The following PITPNC1 variants were observed in gnomAD, a reference collection of about 807,000 sequenced individuals.
PITPNC1 encodes cytoplasmic phosphatidylinositol transfer protein 1.
Under a neutral mutation model 44.7 loss-of-function variants are expected in PITPNC1, and 18 were observed. The ratio of observed to expected loss-of-function variants is 0.40; its 90% CI spans 0.28 to 0.60. The LOEUF (loss-of-function observed/expected upper bound fraction) is 0.60. Ranked by LOEUF, PITPNC1 falls within the 20% of genes least tolerant of loss-of-function variation. The pLI, the probability that PITPNC1 is intolerant of heterozygous loss-of-function variation, is 0.39. For synonymous variants in PITPNC1, 141 were observed against 149.6 expected, an observed-to-expected ratio of 0.94 and a Z score of 0.42; for missense variants, 290 against 418.4, an observed-to-expected ratio of 0.69 and a Z score of 2.68.
At chr17:67,431,762 A>G (rs991313260) in intron 1 of PITPNC1, among the ~76,000 whole-genome samples, 3 of 152,160 alleles carry the variant, frequency 2.0e-5, no homozygotes, top group Non-Finnish European at 4.4e-5. Flanking sequence ...ACACATCTCC[A>G]TGTATTTTCT....
intron 1 of PITPNC1, among the ~76,000 whole-genome samples, chr17:67,451,428 C>T (rs2039173841): frequency 6.6e-6 from 1 of 152,046 alleles, no homozygotes; most frequent in Non-Finnish European, 1.5e-5. Flanking sequence ...TTAGTAAATC[C>T]ATACATCTGT....
chr17:67,637,356 G>A (rs771429301), intron 6 of PITPNC1, among the ~76,000 whole-genome samples: 35 of 151,932 alleles, frequency 2.3e-4, no homozygotes, highest in Admixed American at 1.8e-3. Context: ...GTAAGTTGAC[G>A]ATGTCAGCGT....
intron 8 of PITPNC1, among the ~76,000 whole-genome samples, chr17:67,677,772 A>G (rs2042629482): frequency 6.6e-6 from 1 of 151,702 alleles, no homozygotes; most frequent in Non-Finnish European, 1.5e-5. Flanking sequence ...GGGTTTTACT[A>G]TGCTGGCCAG....
At position 67,382,323 on chromosome 17, in the gene PITPNC1, TTGG is replaced by T. The variant is rs1289386699; in HGVS notation, c.48+4125_48+4127del. On this transcript the variant is annotated intron_variant, in intron 1 of 8. Coordinates refer to ENST00000581322, the MANE Select transcript of PITPNC1 (RefSeq NM_012417.4). ...CTGAACTACTGTCTAGATTAGAGTG[TTGG>T]TGGGGTTTTTTGGTGTGTGTGTGTG... 4.7e-5 allele frequency among the ~76,000 whole-genome samples: 7 copies of T among 148,092 alleles called. No homozygotes were observed. The East Asian group carries it at 7.8e-4, about 16-fold the overall frequency.
rs563224305 is a variant in PITPNC1, at chr17:67,610,930, A to G, written c.367-21213A>G. On this transcript the variant is annotated intron_variant, in intron 5 of 8. Coordinates refer to ENST00000581322, the MANE Select transcript of PITPNC1 (RefSeq NM_012417.4). ...GTGAGACTCTGTCTCAAAAAAAAAA[A>G]AAAAAGAAAAAGAAAAGAAAAAAAT... is the stretch of plus-strand genomic sequence containing the variant. 1.9e-3 allele frequency among the ~76,000 whole-genome samples: 294 copies of G among 151,934 alleles called. 1 individual carries two copies. Among genetic ancestry groups the G allele is most frequent in the Middle Eastern group, 6.8e-3 (2 of 294 alleles).
At chr17:67,629,238 C>CTGTGTGTGTGTCTGTGTGTGTGTGTG (rs2041934292) in intron 5 of PITPNC1, among the ~76,000 whole-genome samples, 1 of 131,230 alleles carries the variant, frequency 7.6e-6, no homozygotes, top group Non-Finnish European at 1.6e-5. Flanking sequence ...CTGGGGTATT[C>CTGTGTGTGTGTCTGTGTGTGTGTGTG]TGTGTGTGTG....
At chr17:67,460,551 G>A (rs2039320670) in intron 1 of PITPNC1, among the ~76,000 whole-genome samples, 3 of 151,808 alleles carry the variant, frequency 2.0e-5, no homozygotes, top group Non-Finnish European at 4.4e-5. Context: ...AGCCTCCCGA[G>A]TAGCTGGGAT....
intron 8 of PITPNC1, among the ~76,000 whole-genome samples, chr17:67,681,114 T>C (rs894317022): frequency 6.6e-6 from 1 of 152,194 alleles, no homozygotes; most frequent in African/African-American, 2.4e-5. Flanking sequence ...CATTTGTAGT[T>C]TCCATGTGTG....
intron 8 of PITPNC1, 30 bp downstream of exon 8, chr17:67,675,572 GAAC>G (rs1180535828): frequency 2.7e-6 from 4 of 1,459,626 alleles, no homozygotes; most frequent in African/African-American, 1.4e-5. Context: ...ATAACTTGTA[GAAC>G]AACTTCATGT....
rs190549981 is a variant in PITPNC1, at chr17:67,520,185, G to A, written c.49-12617G>A. On this transcript the variant is annotated intron_variant, in intron 1 of 8. Coordinates refer to ENST00000581322, the MANE Select transcript of PITPNC1 (RefSeq NM_012417.4). ...GGGTGCATTAGGCTTCACAAACAAC[G>A]GTTCTTTTCATCCTGGAAAGGCCTT... Among the ~76,000 whole-genome samples, 143 of 152,180 alleles carry A rather than the reference G, an allele frequency of 9.4e-4. 1 individual carries two copies. Among genetic ancestry groups the A allele is most frequent in the Admixed American group, 8.6e-3 (132 of 15,286 alleles).
At chr17:67,608,093 TC>T (rs1259142650) in intron 5 of PITPNC1, among the ~76,000 whole-genome samples, 2 of 152,110 alleles carry the variant, frequency 1.3e-5, no homozygotes, top group East Asian at 3.9e-4. Flanking sequence ...TACGTAACCA[TC>T]GTGCAGTGCT....
chr17:67,533,653 T>C (rs1283247372), intron 2 of PITPNC1, among the ~76,000 whole-genome samples: 2 of 152,234 alleles, frequency 1.3e-5, no homozygotes, highest in Non-Finnish European at 2.9e-5. Context: ...CATTTACTAC[T>C]GGTGACCACT....
chr17:67,578,578 C>T (rs1404269909), intron 5 of PITPNC1, among the ~76,000 whole-genome samples: 2 of 152,152 alleles, frequency 1.3e-5, no homozygotes, highest in Non-Finnish European at 2.9e-5. Flanking sequence ...GATCATTGGA[C>T]AGAGTACACA....
chr17:67,381,326 C>CAAA (rs1221190761), intron 1 of PITPNC1, among the ~76,000 whole-genome samples: 5 of 51,152 alleles, frequency 9.8e-5, no homozygotes, highest in East Asian at 6.5e-4. Flanking sequence ...AGACTCCACT[C>CAAA]AAAAAAAAAA....
At chr17:67,402,085 C>T (rs1023799769) in intron 1 of PITPNC1, among the ~76,000 whole-genome samples, 2 of 152,160 alleles carry the variant, frequency 1.3e-5, no homozygotes, top group Non-Finnish European at 2.9e-5. Flanking sequence ...ACTTGCAAGC[C>T]GTAAGGTCTC....
intron 1 of PITPNC1, among the ~76,000 whole-genome samples, chr17:67,437,420 C>T (rs752539645): frequency 1.4e-4 from 21 of 152,030 alleles, no homozygotes; most frequent in African/African-American, 2.2e-4. Flanking sequence ...ACGCCTGGGG[C>T]CACCAGAAGC....
At chr17:67,425,247 A>G (rs1204337096) in intron 1 of PITPNC1, among the ~76,000 whole-genome samples, 2 of 145,270 alleles carry the variant, frequency 1.4e-5, no homozygotes, top group African/African-American at 5.2e-5. Flanking sequence ...ACACACACAC[A>G]CACACACACA....
In PITPNC1 at chr17:67,542,051, C is replaced by G. The variant is rs564187721; in HGVS notation, c.197+9101C>G. Among the ~76,000 whole-genome samples, 268 of 152,292 alleles carry G rather than the reference C, an allele frequency of 1.8e-3. 2 individuals are homozygous for G. The highest frequency in any genetic ancestry group is 3.3e-3 in the Non-Finnish European group (222 of 68,030). On this transcript the variant is annotated intron_variant, in intron 2 of 8. Transcript: ENST00000581322. Reference sequence around the variant, plus strand: ...ATATTGGGTGGCTGGTTAAGTTGGACAGCCTGGAAGATCCTTTTCAACCCT... The same window carrying G: ...ATATTGGGTGGCTGGTTAAGTTGGAGAGCCTGGAAGATCCTTTTCAACCCT...
intron 1 of PITPNC1, among the ~76,000 whole-genome samples, chr17:67,477,534 C>G (rs550729101): frequency 6.6e-6 from 1 of 151,878 alleles, no homozygotes; most frequent in South Asian, 2.1e-4. Context: ...CGTGAGCCAC[C>G]GTGTCCAGCC....
Sources: allele counts gnomAD v4.1 joint callset (sites outside exome capture counted in the v4.1 genomes callset), GRCh38; gene constraint gnomAD v4.1.1; transcripts MANE v1.5; gene names NCBI Gene and HGNC (gene_info 2026-07-23, HGNC 2026-07-21).